Variants in LRP1B observed in about 807,000 individuals in gnomAD.
LRP1B encodes the protein LDL receptor related protein 1B, also known as low-density lipoprotein receptor-related protein 1B.
LRP1B carries 217 observed loss-of-function variants against 556.6 expected under a neutral mutation model. The observed-to-expected ratio is 0.39, with a 90% CI of 0.35 to 0.44. The LOEUF (loss-of-function observed/expected upper bound fraction) is 0.44, where lower values mean the gene tolerates loss of function less well. Among genes scored for constraint, LRP1B ranks in the 20% least tolerant of loss-of-function variants. The pLI, the probability that LRP1B is intolerant of heterozygous loss-of-function variation, is 1.00. For synonymous variants in LRP1B, 2,047 were observed against 1,865.8 expected (o/e 1.10, Z -2.50); for missense variants, 5,053 against 5,620.8 (o/e 0.90, Z 3.23).
chr2:140,849,838 C>T (rs1328291697), intron 29 of LRP1B, among the ~76,000 whole-genome samples: 1 of 152,058 alleles, frequency 6.6e-6, no homozygotes, highest in Non-Finnish European at 1.5e-5. Flanking sequence ...CCGTGCCCAG[C>T]CGAGAAATCT....
chr2:142,037,478 T>C (rs1422488457), intron 1 of LRP1B, among the ~76,000 whole-genome samples: 1 of 151,532 alleles, frequency 6.6e-6, no homozygotes, highest in African/African-American at 2.4e-5. Context: ...GAACCTGAGG[T>C]GAGAGCCTGG....
At chr2:142,017,653 T>A (rs138881468) in intron 1 of LRP1B, among the ~76,000 whole-genome samples, 62 of 152,186 alleles carry the variant, frequency 4.1e-4, no homozygotes, top group African/African-American at 1.5e-3. Context: ...GGGAGAAGGA[T>A]CACTTGTGCC....
At chr2:141,846,095 A>G (rs1697634883) in intron 1 of LRP1B, among the ~76,000 whole-genome samples, 1 of 151,614 alleles carries the variant, frequency 6.6e-6, no homozygotes. Context: ...TAATGATGTA[A>G]AGAGTAAAAA....
chr2:141,094,417 T>A (rs1172833555), intron 7 of LRP1B, among the ~76,000 whole-genome samples: 1 of 152,148 alleles, frequency 6.6e-6, no homozygotes, highest in Non-Finnish European at 1.5e-5. Context: ...CTAATTTTAG[T>A]GTTTAAGGGG....
intron 86 of LRP1B, among the ~76,000 whole-genome samples, chr2:140,264,702 ATGTGTGTGTGTGTGTGTGTGTG>A (rs3033314): frequency 2.7e-5 from 4 of 148,866 alleles, no homozygotes; most frequent in South Asian, 2.1e-4. Flanking sequence ...TTGTCTATAT[ATGTGTGTGTGTGTGTGTGTGTG>A]TGTGTGTGTG....
At chr2:140,767,652 A>AT (rs931703003) in intron 35 of LRP1B, among the ~76,000 whole-genome samples, 10 of 150,936 alleles carry the variant, frequency 6.6e-5, no homozygotes, top group African/African-American at 1.5e-4. Context: ...TTTAATTATT[A>AT]TTTTTTTTAT....
chr2:140,610,262 G>A (rs896083109), intron 41 of LRP1B, among the ~76,000 whole-genome samples: 1 of 151,926 alleles, frequency 6.6e-6, no homozygotes, highest in African/African-American at 2.4e-5. Context: ...TTTCTTAGTT[G>A]TTCCCCTCAA....
intron 3 of LRP1B, among the ~76,000 whole-genome samples, chr2:141,445,418 C>A (rs1377145498): frequency 1.3e-5 from 2 of 152,098 alleles, no homozygotes; most frequent in Non-Finnish European, 2.9e-5. Flanking sequence ...GTGTCTCTAT[C>A]TCCTTCAGTT....
At chr2:141,410,799 T>C (rs1690823365) in intron 3 of LRP1B, among the ~76,000 whole-genome samples, 1 of 152,016 alleles carries the variant, frequency 6.6e-6, no homozygotes, top group South Asian at 2.1e-4. Context: ...ATTTCTCAAA[T>C]TAGGTCATCA....
intron 18 of LRP1B, among the ~76,000 whole-genome samples, chr2:140,965,912 T>C (rs1442003035): frequency 7.9e-5 from 12 of 152,090 alleles, no homozygotes; most frequent in Non-Finnish European, 1.2e-4. Context: ...TGCATAGTAT[T>C]CCATGGTGTA....
intron 60 of LRP1B, among the ~76,000 whole-genome samples, chr2:140,461,308 G>A (rs985769664): frequency 6.6e-6 from 1 of 151,956 alleles, no homozygotes; most frequent in Non-Finnish European, 1.5e-5. Context: ...CAGTTACACC[G>A]TTCTCAGCTT....
At chr2:141,745,537 G>A (rs1162028769) in intron 2 of LRP1B, among the ~76,000 whole-genome samples, 1 of 151,760 alleles carries the variant, frequency 6.6e-6, no homozygotes, top group Non-Finnish European at 1.5e-5. Flanking sequence ...TAGTCAGTTT[G>A]TGGTGAATGC....
rs760413035 is a variant in LRP1B, at chr2:140,851,780, G to C, written c.4583C>G (p.Pro1528Arg). The C allele has an allele frequency of 1.3e-6, 2 of 1,597,580 alleles. No individual in the cohort carries two copies. The highest frequency in any genetic ancestry group is 2.7e-5 in the African/African-American group (2 of 73,646). Residue 1528 changes from proline (P) to arginine (R), a missense_variant, in exon 28 of 91, where the codon CCC (proline) becomes CGC (arginine). Physicochemically the swap from Pro to Arg is moderately radical, Grantham distance 103. This residue lies in a region of LRP1B where 3,619 missense variants were observed against 3,931.9 expected (regional missense o/e 0.92). Transcript: ENST00000389484. ...GCCATCATTAGCTGCACAAGGATTG[G>C]GAGCTGTAATTACACAGTGAAATAT... Reference protein sequence around the residue: ...IYHPSRQPQAPNPCAANDGKG... With the variant: ...IYHPSRQPQARNPCAANDGKG...
chr2:140,941,706 C>A (rs115890123), intron 20 of LRP1B, among the ~76,000 whole-genome samples: 61 of 152,194 alleles, frequency 4.0e-4, no homozygotes, highest in African/African-American at 1.4e-3. Flanking sequence ...TCTGAAAGCA[C>A]CTGCAAATGA....
At chr2:140,999,407 A>G (rs1697346429) in intron 15 of LRP1B, among the ~76,000 whole-genome samples, 1 of 152,072 alleles carries the variant, frequency 6.6e-6, no homozygotes, top group African/African-American at 2.4e-5. Context: ...TATAGATATT[A>G]GAAAGAGACC....
At chr2:141,683,739 A>T (rs1691184468) in intron 2 of LRP1B, among the ~76,000 whole-genome samples, 1 of 152,162 alleles carries the variant, frequency 6.6e-6, no homozygotes, top group African/African-American at 2.4e-5. Flanking sequence ...ATTGTAAAAG[A>T]TGCTAAAATT....
intron 4 of LRP1B, among the ~76,000 whole-genome samples, chr2:141,249,606 T>A (rs1348855208): frequency 2.8e-5 from 4 of 143,908 alleles, no homozygotes; most frequent in Non-Finnish European, 6.1e-5. Flanking sequence ...AAAATAAAAA[T>A]AATAATAATA....
chr2:141,992,021 A>G (rs1702358002), intron 1 of LRP1B, among the ~76,000 whole-genome samples: 1 of 152,146 alleles, frequency 6.6e-6, no homozygotes, highest in African/African-American at 2.4e-5. Context: ...GTATATTTTT[A>G]TATAACCTAT....
chr2:141,004,169 A>T (rs1444483949), intron 15 of LRP1B, among the ~76,000 whole-genome samples: 2 of 152,056 alleles, frequency 1.3e-5, no homozygotes, highest in Non-Finnish European at 2.9e-5. Flanking sequence ...TTTATTCAGC[A>T]ATTTGTGATG....
Sources: allele counts gnomAD v4.1 joint callset (sites outside exome capture counted in the v4.1 genomes callset), GRCh38; gene constraint gnomAD v4.1.1; regional missense constraint gnomAD v4.1.1; transcripts MANE v1.5; gene names NCBI Gene and HGNC (gene_info 2026-07-23, HGNC 2026-07-21).